The following STK4 variants were observed in gnomAD, a reference collection of about 807,000 sequenced individuals.
The protein encoded by STK4 is serine/threonine-protein kinase 4.
A neutral mutation model predicts 64.9 loss-of-function variants in STK4; 30 were observed. The ratio of observed to expected loss-of-function variants is 0.46; its 90% CI spans 0.35 to 0.63. The LOEUF (loss-of-function observed/expected upper bound fraction) is 0.63. STK4 is among the 20% of genes least tolerant of loss of function. The pLI, the probability that STK4 is intolerant of heterozygous loss-of-function variation, is 0.01. For missense variants in STK4, 466 were observed against 598.5 expected, an observed-to-expected ratio of 0.78 and a Z score of 2.31; for synonymous variants, 177 against 199.0, an observed-to-expected ratio of 0.89 and a Z score of 0.93.
chr20:44,967,221 T>C, intron 1 of STK4: 2 of 985,344 alleles, frequency 2.0e-6, no homozygotes, highest in Admixed American at 6.1e-5. Flanking sequence ...TTCAGTGTCT[T>C]CCTAATGGTC....
At chr20:45,019,710 C>T (rs552654400) in intron 9 of STK4, among the ~76,000 whole-genome samples, 2 of 152,304 alleles carry the variant, frequency 1.3e-5, no homozygotes, top group South Asian at 2.1e-4. Flanking sequence ...ATTCTTTCTA[C>T]GGCTTTAGGT....
intron 10 of STK4, among the ~76,000 whole-genome samples, chr20:45,074,099 A>T (rs899145838): frequency 6.6e-6 from 1 of 152,198 alleles, no homozygotes; most frequent in Non-Finnish European, 1.5e-5. Context: ...CTCTAGAGCC[A>T]TGCTGCCTGG....
At chr20:44,985,861 G>A (rs74612577) in intron 4 of STK4, among the ~76,000 whole-genome samples, 3,801 of 152,198 alleles carry the variant, frequency 0.025, 134 homozygotes, top group African/African-American at 0.081. Context: ...CGTCTTCCTA[G>A]TCCCAAATCC....
intron 10 of STK4, among the ~76,000 whole-genome samples, chr20:45,056,872 A>G (rs1487332662): frequency 6.6e-6 from 1 of 152,218 alleles, no homozygotes; most frequent in East Asian, 1.9e-4. Context: ...TTCAGACTTC[A>G]TTGGAGAAGA....
At position 44,995,230 on chromosome 20, in the gene STK4, C is replaced by T. The variant is rs139310380; in HGVS notation, c.666C>T (p.Pro222=). ...CCATAGAAATGGCTGAAGGAAAGCC[C>T]CCTTATGCTGATATCCATCCAATGA... ...ITAIEMAEGK[P]PYADIHPMRA... The change falls in exon 6 of 11, where the codon CCC becomes CCT. Residue 222 remains proline (P), a synonymous_variant. Transcript: ENST00000372806. The T allele has an allele frequency of 6.2e-7, 1 of 1,613,198 alleles. No homozygotes were observed. Among genetic ancestry groups the T allele is most frequent in the Non-Finnish European group, 8.5e-7 (1 of 1,179,608 alleles).
chr20:45,020,263 C>G (rs2068218903), intron 9 of STK4, among the ~76,000 whole-genome samples: 1 of 152,160 alleles, frequency 6.6e-6, no homozygotes, highest in African/African-American at 2.4e-5. Flanking sequence ...TTTTCCCCCT[C>G]TACTTTATAT....
At chr20:45,046,189 G>A (rs1051530664) in intron 10 of STK4, among the ~76,000 whole-genome samples, 6 of 151,810 alleles carry the variant, frequency 4.0e-5, no homozygotes, top group Admixed American at 1.3e-4. Context: ...AGCCCTTTGG[G>A]AGGCCAAGGC....
At chr20:45,050,892 A>C (rs1768440021) in intron 10 of STK4, among the ~76,000 whole-genome samples, 1 of 152,084 alleles carries the variant, frequency 6.6e-6, no homozygotes, top group Non-Finnish European at 1.5e-5. Context: ...TTCTTTCTCA[A>C]TATTTAATCT....
At chr20:45,068,379 G>A (rs780702719) in intron 10 of STK4, among the ~76,000 whole-genome samples, 12 of 152,128 alleles carry the variant, frequency 7.9e-5, no homozygotes, top group Non-Finnish European at 1.6e-4. Context: ...TCAGCACCCT[G>A]GAGTCACTGC....
chr20:45,047,875 A>G (rs1419164499), intron 10 of STK4, among the ~76,000 whole-genome samples: 2 of 152,198 alleles, frequency 1.3e-5, no homozygotes, highest in Non-Finnish European at 2.9e-5. Flanking sequence ...GTCCTTAAGT[A>G]AGCCACCTAA....
intron 6 of STK4, among the ~76,000 whole-genome samples, chr20:44,996,649 T>C (rs2067736030): frequency 6.6e-6 from 1 of 152,176 alleles, no homozygotes; most frequent in Non-Finnish European, 1.5e-5. Context: ...AACTGCAACG[T>C]AGTGGGCCAA....
chr20:44,984,558 T>A lies in STK4; in HGVS notation c.361-2574T>A, dbSNP rs1440250655. Among the ~76,000 whole-genome samples the A allele has an allele frequency of 3.3e-5, 5 of 152,256 alleles. No homozygotes were observed. In the East Asian group the frequency reaches 9.7e-4, roughly 29 times the overall value. On this transcript the variant is annotated intron_variant, in intron 4 of 10. Transcript: ENST00000372806. ...TTTGCCAAATGTTATAACTCTGCCC[T>A]GTCCACCGTGATATCCACTAGCCGC...
intron 9 of STK4, among the ~76,000 whole-genome samples, chr20:45,005,233 C>T (rs1242522402): frequency 6.6e-6 from 1 of 152,180 alleles, no homozygotes; most frequent in East Asian, 1.9e-4. Flanking sequence ...CAAAGTTAAT[C>T]AGTATCTCTC....
Position 45,079,864 on chromosome 20 carries a change from GT to G in STK4, c.*4693del, listed in dbSNP as rs1205646319. ...TTTTTAAGTTTGAGATGCTTCCTGT[GT>G]TTTTATGTTAGAATTGTTGTTCTCC... On this transcript the variant is annotated 3_prime_UTR_variant, in exon 11 of 11. Transcript: ENST00000372806. 3 of 152,478 alleles carry G rather than the reference GT, an allele frequency of 2.0e-5. No homozygotes were observed. Among genetic ancestry groups the G allele is most frequent in the Non-Finnish European group, 4.4e-5 (3 of 68,018 alleles). The allele number at this position is 152,478 out of a possible 1,614,324, so 9.4% of individuals were successfully genotyped here.
At chr20:45,011,112 A>G (rs747976008) in intron 9 of STK4, among the ~76,000 whole-genome samples, 6 of 152,096 alleles carry the variant, frequency 3.9e-5, no homozygotes, top group Non-Finnish European at 8.8e-5. Flanking sequence ...GGCTTCTTCT[A>G]TTTGTCTAGA....
At chr20:44,985,006 T>G (rs2067507952) in intron 4 of STK4, among the ~76,000 whole-genome samples, 1 of 152,168 alleles carries the variant, frequency 6.6e-6, no homozygotes, top group Non-Finnish European at 1.5e-5. Flanking sequence ...TCCCATTATA[T>G]TTCTATTAGG....
intron 5 of STK4, among the ~76,000 whole-genome samples, chr20:44,989,856 G>A (rs2145672270): frequency 6.6e-6 from 1 of 152,224 alleles, no homozygotes; most frequent in Admixed American, 6.5e-5. Context: ...TTGTTGAAAT[G>A]TATGAGTTTA....
At chr20:44,984,987 A>G (rs1358050114) in intron 4 of STK4, among the ~76,000 whole-genome samples, 1 of 152,012 alleles carries the variant, frequency 6.6e-6, no homozygotes, top group East Asian at 1.9e-4. Flanking sequence ...TAAAAATTAT[A>G]TTTGTGGTTC....
At chr20:45,058,053 T>TCACACACA (rs3044396) in intron 10 of STK4, among the ~76,000 whole-genome samples, 3 of 148,032 alleles carry the variant, frequency 2.0e-5, no homozygotes, top group Admixed American at 1.4e-4. Context: ...AGTTTGAAGG[T>TCACACACA]CACACACACA....
Sources: gnomAD v4.1 joint callset for allele counts (sites outside exome capture counted in the v4.1 genomes callset) on GRCh38, gnomAD v4.1.1 for gene constraint, MANE v1.5 for transcripts, NCBI Gene and HGNC (gene_info 2026-07-23, HGNC 2026-07-21) for gene names.